SPRING1: variants seen among roughly 807,000 people sequenced by gnomAD.
SPRING1 encodes SREBF pathway regulator in golgi 1, also known as SREBP regulating gene protein.
In SPRING1, 14 loss-of-function variants were observed where a neutral mutation model predicts 24.7. That is an observed-to-expected ratio of 0.57 (90% CI 0.37 to 0.88). The LOEUF is 0.88. Among genes scored for constraint, SPRING1 ranks in the 40% least tolerant of loss-of-function variants. The pLI, the probability that SPRING1 is intolerant of heterozygous loss-of-function variation, is 0.00. For missense variants in SPRING1, 255 were observed against 268.4 expected, an observed-to-expected ratio of 0.95 and a Z score of 0.35; for synonymous variants, 93 against 106.1, an observed-to-expected ratio of 0.88 and a Z score of 0.76.
At chr12:116,726,567 G>A (rs1425459329) in intron 1 of SPRING1, among the ~76,000 whole-genome samples, 2 of 152,176 alleles carry the variant, frequency 1.3e-5, no homozygotes, top group African/African-American at 2.4e-5. Flanking sequence ...AAGAAGAGGA[G>A]CTAGGTGCAG....
At chr12:116,726,461 C>T (rs1180239123) in intron 1 of SPRING1, among the ~76,000 whole-genome samples, 1 of 152,156 alleles carries the variant, frequency 6.6e-6, no homozygotes, top group African/African-American at 2.4e-5. Flanking sequence ...ATTCTGCTCC[C>T]TCCCTTTTGT....
At chr12:116,733,102 C>T (rs1014473729) in intron 1 of SPRING1, among the ~76,000 whole-genome samples, 12 of 152,294 alleles carry the variant, frequency 7.9e-5, no homozygotes, top group African/African-American at 2.9e-4. Flanking sequence ...CTGAAGGACA[C>T]AGAAGAAGGC....
intron 1 of SPRING1, among the ~76,000 whole-genome samples, chr12:116,736,898 C>T (rs770823068): frequency 8.9e-4 from 135 of 152,212 alleles, no homozygotes; most frequent in Non-Finnish European, 1.3e-3. Flanking sequence ...TTTGAGTCAC[C>T]CAGGAGGACA....
intron 1 of SPRING1, among the ~76,000 whole-genome samples, chr12:116,729,091 T>TA (rs1338985158): frequency 2.0e-5 from 3 of 152,166 alleles, no homozygotes; most frequent in East Asian, 1.9e-4. Context: ...AAAAAACACT[T>TA]AAAAAAATAG....
rs938057688 is a variant in SPRING1 at position 116,728,696 on chromosome 12, T to C, written c.112-5473A>G. On this transcript the variant is annotated intron_variant, in intron 1 of 4. Coordinates refer to ENST00000261318, the MANE Select transcript of SPRING1 (RefSeq NM_024738.4). The surrounding 1 kb of genome is among the most constrained non-coding windows in gnomAD (Gnocchi z 4.2). ...CACAGTGTTCATAGCGTCTTCTCCA[T>C]CAACGGTACACACCCTGGACCCGTA... Among the ~76,000 whole-genome samples the C allele has an allele frequency of 2.6e-5, 4 of 152,172 alleles. No individual in the cohort carries two copies. Among genetic ancestry groups the C allele is most frequent in the Admixed American group, 6.5e-5 (1 of 15,276 alleles).
intron 1 of SPRING1, among the ~76,000 whole-genome samples, chr12:116,730,221 T>G (rs1265812178): frequency 6.6e-6 from 1 of 151,380 alleles, no homozygotes; most frequent in Non-Finnish European, 1.5e-5. Flanking sequence ...TTTTAATTTT[T>G]TTTTTGAGAC....
chr12:116,731,591 A>G (rs111511349), intron 1 of SPRING1, among the ~76,000 whole-genome samples: 1,994 of 152,170 alleles, frequency 0.013, 43 homozygotes, highest in African/African-American at 0.044. Context: ...CAAAAAAATA[A>G]ATTAATTAAT....
Position 116,712,373 on chromosome 12 carries a change from A to T in SPRING1, c.*5437T>A, listed in dbSNP as rs1869911549. On this transcript the variant is annotated 3_prime_UTR_variant, in exon 5 of 5. Coordinates refer to ENST00000261318, the MANE Select transcript of SPRING1 (RefSeq NM_024738.4). Reference sequence around the variant, plus strand: ...GCTCAGGTGCAGACCAACGGCGACCACTTGCTCCACTTTGCTCTGTGACAG... The same window carrying T: ...GCTCAGGTGCAGACCAACGGCGACCTCTTGCTCCACTTTGCTCTGTGACAG... The T allele has an allele frequency of 6.6e-6, 1 of 152,242 alleles. No individual in the cohort carries two copies. 9.4% of individuals were successfully genotyped at this position (152,242 alleles called of 1,614,324 possible).
rs1252763333 is a variant in SPRING1, at chr12:116,713,046, T to C, written c.*4764A>G. 2.0e-5 allele frequency: 3 copies of C among 152,282 alleles called. No individual in the cohort carries two copies. The highest frequency in any genetic ancestry group is 6.5e-5 in the Admixed American group (1 of 15,288). The allele number at this position is 152,282 out of a possible 1,614,324, so 9.4% of individuals were successfully genotyped here. On this transcript the variant is annotated 3_prime_UTR_variant, in exon 5 of 5. Coordinates refer to ENST00000261318, the MANE Select transcript of SPRING1 (RefSeq NM_024738.4). Reference sequence around the variant, plus strand: ...ATATGACCCCAGAGCAGGGCTTCCCTCCCTCCACCCGGCTCCCACTTCCAG... The same window carrying C: ...ATATGACCCCAGAGCAGGGCTTCCCCCCCTCCACCCGGCTCCCACTTCCAG...
chr12:116,713,569 A>G lies in SPRING1; in HGVS notation c.*4241T>C, dbSNP rs1566052460. On this transcript the variant is annotated 3_prime_UTR_variant, in exon 5 of 5. Coordinates refer to ENST00000261318, the MANE Select transcript of SPRING1 (RefSeq NM_024738.4). ...ACACTTCCATACACACTAGGTGAAT[A>G]TATTGGTGAAAATAGTTCAGATAAA... 1 of 152,266 alleles carries G rather than the reference A, an allele frequency of 6.6e-6. No homozygotes were observed. The highest frequency in any genetic ancestry group is 1.5e-5 in the Non-Finnish European group (1 of 68,046). The allele number at this position is 152,266 out of a possible 1,614,324, so 9.4% of individuals were successfully genotyped here.
chr12:116,722,913 G>C (rs938235034), intron 2 of SPRING1, among the ~76,000 whole-genome samples, 154 bp downstream of exon 2: 6 of 152,236 alleles, frequency 3.9e-5, no homozygotes, highest in Non-Finnish European at 8.8e-5. Context: ...TGAATGATGA[G>C]TAGGGTATAG....
At chr12:116,737,322 G>A (rs1215101178) in intron 1 of SPRING1, among the ~76,000 whole-genome samples, 5 of 152,086 alleles carry the variant, frequency 3.3e-5, no homozygotes, top group African/African-American at 4.8e-5. Flanking sequence ...AGGAAAAAGA[G>A]GAGGAAGGGA....
chr12:116,718,341 A>C (rs1870258483), intron 4 of SPRING1, among the ~76,000 whole-genome samples: 1 of 152,238 alleles, frequency 6.6e-6, no homozygotes. Context: ...GTACCTAAAA[A>C]TTTGGGGCAT....
At chr12:116,721,548 G>A (rs77592377) in intron 2 of SPRING1, among the ~76,000 whole-genome samples, 2,151 of 152,324 alleles carry the variant, frequency 0.014, 51 homozygotes, top group African/African-American at 0.048. Context: ...GGTCTATAGA[G>A]AACTGGGTTC....
intron 1 of SPRING1, among the ~76,000 whole-genome samples, chr12:116,734,346 G>T (rs1046257904): frequency 1.3e-5 from 2 of 152,156 alleles, no homozygotes; most frequent in South Asian, 2.1e-4. Flanking sequence ...TAGCCCAGGG[G>T]TGTAGCAAAA....
Position 116,737,792 on chromosome 12 carries a change from G to A in SPRING1, c.109C>T (p.Gln37Ter). 6.3e-7 allele frequency: 1 copy of A among 1,584,760 alleles called. No homozygotes were observed. ...LVYFLSSTFK[Q>*]EERAVRDRNL... ...GGAGGGGAAGGGCGGCCACTGACCT[G>A]CTTGAAGGTGCTGCTGAGGAAGTAG... The change falls in exon 1 of 5, where the codon CAG becomes TAG. Residue 37 changes from glutamine to a stop codon, truncating the protein, a stop_gained and splice_region_variant. Transcript: ENST00000261318. LOFTEE classifies it high-confidence loss of function.
chr12:116,735,492 G>A (rs1380296261), intron 1 of SPRING1, among the ~76,000 whole-genome samples: 3 of 152,120 alleles, frequency 2.0e-5, no homozygotes, highest in Admixed American at 6.5e-5. Context: ...AGCACTTTGG[G>A]AGGCCGAGGC....
At chr12:116,730,179 C>T (rs1163104614) in intron 1 of SPRING1, among the ~76,000 whole-genome samples, 6 of 151,810 alleles carry the variant, frequency 4.0e-5, no homozygotes, top group South Asian at 2.1e-4. Flanking sequence ...GGATTACAGG[C>T]GTGAGCCACC....
intron 1 of SPRING1, among the ~76,000 whole-genome samples, chr12:116,732,112 G>A (rs937721144): frequency 1.3e-5 from 2 of 152,194 alleles, no homozygotes; most frequent in African/African-American, 4.8e-5. Context: ...GAGTCACTGA[G>A]TGGTCCAGTG....
Sources: gnomAD v4.1 joint callset for allele counts (sites outside exome capture counted in the v4.1 genomes callset) on GRCh38, gnomAD v4.1.1 for gene constraint, Gnocchi (gnomAD v3.1) non-coding constraint, MANE v1.5 for transcripts, NCBI Gene and HGNC (gene_info 2026-07-23, HGNC 2026-07-21) for gene names.